CCDC180: variants seen among roughly 807,000 people sequenced by gnomAD.
The protein encoded by CCDC180 is coiled-coil domain-containing protein 180.
Under a neutral mutation model 209.2 loss-of-function variants are expected in CCDC180, and 154 were observed. The observed-to-expected ratio is 0.74, with a 90% CI of 0.65 to 0.84. CCDC180 has a LOEUF of 0.84. CCDC180 is among the 40% of genes least tolerant of loss of function. The pLI is 0.00. For missense variants in CCDC180, 1,874 were observed against 1,997.3 expected (o/e 0.94, Z 1.18); for synonymous variants, 778 against 749.1 (o/e 1.04, Z -0.63).
intron 13 of CCDC180, 81 bp from the exon 14 acceptor site, chr9:97,324,938 A>G (rs3747498): frequency 0.2 from 269,893 of 1,336,186 alleles, 29,507 homozygotes; most frequent in Admixed American, 0.36. Context: ...CGTTAGAGAC[A>G]GGGGGTCCCA....
intron 19 of CCDC180, 84 bp from the exon 20 acceptor site, chr9:97,347,230 G>A: frequency 7.5e-7 from 1 of 1,331,138 alleles, no homozygotes; most frequent in Non-Finnish European, 1.0e-6. Flanking sequence ...GTGAAAGGGG[G>A]AAGCACTTTG....
intron 31 of CCDC180, among the ~76,000 whole-genome samples, chr9:97,368,761 A>G (rs1035103428): frequency 1.3e-5 from 2 of 152,204 alleles, no homozygotes; most frequent in Non-Finnish European, 2.9e-5. Context: ...TCTCTCTAGG[A>G]AAATCTATCT....
In CCDC180 at chr9:97,319,801, C is replaced by CT. The variant is rs1418557947; in HGVS notation, c.1080-322dup. On this transcript the variant is annotated intron_variant, in intron 10 of 36. Coordinates refer to ENST00000529487, the MANE Select transcript of CCDC180 (RefSeq NM_020893.6). The stretch of plus-strand genomic sequence containing the variant: ...TTAAGTGAACATCTTAATACATAAA[C>CT]TTTATGTGCATTCTATAATGCCATC... Among the ~76,000 whole-genome samples the CT allele has an allele frequency of 3.9e-5, 6 of 152,286 alleles. No homozygotes were observed. In the South Asian group the frequency reaches 1.2e-3, roughly 32 times the overall value.
chr9:97,341,811 C>CCTCGTTGA (rs1826087281), intron 18 of CCDC180, among the ~76,000 whole-genome samples: 2 of 152,296 alleles, frequency 1.3e-5, no homozygotes, highest in Non-Finnish European at 2.9e-5. Flanking sequence ...GGCAGGTGGG[C>CCTCGTTGA]CTCGTTGAGC....
intron 18 of CCDC180, among the ~76,000 whole-genome samples, chr9:97,339,366 C>A (rs1826007054): frequency 6.6e-6 from 1 of 152,178 alleles, no homozygotes; most frequent in Admixed American, 6.5e-5. Flanking sequence ...GTGACAAAAT[C>A]TCTCAGCATT....
At chr9:97,373,497 C>T (rs1437116352) in intron 34 of CCDC180, 1 of 152,216 alleles carries the variant, frequency 6.6e-6, no homozygotes, top group Non-Finnish European at 1.5e-5. Flanking sequence ...GTCAGGGTGG[C>T]TGGGGAAGAT....
Position 97,362,410 on chromosome 9 carries a change from G to A in CCDC180, c.3871G>A (p.Val1291Ile), listed in dbSNP as rs1826790458. ...GCCAGAAAACTCTGGGAAGAAGGCTGTACCCAGTGCCAGTGCTACCTCTGC... is the reference window on the plus strand; with the variant it reads ...GCCAGAAAACTCTGGGAAGAAGGCTATACCCAGTGCCAGTGCTACCTCTGC... ...CQPENSGKKA[V>I]PSASATSAGS... Residue 1291 changes from valine (V) to isoleucine (I), a missense_variant, in exon 28 of 37, where the codon GTA (valine) becomes ATA (isoleucine). Coordinates refer to ENST00000529487, the MANE Select transcript of CCDC180 (RefSeq NM_020893.6). 5.6e-6 allele frequency: 9 copies of A among 1,614,018 alleles called. No individual in the cohort carries two copies. Among genetic ancestry groups the A allele is most frequent in the South Asian group, 1.1e-5 (1 of 91,078 alleles).
chr9:97,369,144 T>A (rs1339776960), intron 31 of CCDC180: 2 of 152,156 alleles, frequency 1.3e-5, no homozygotes, highest in East Asian at 3.8e-4. Flanking sequence ...ATTGGTGAAC[T>A]GGAAGGCAAA....
intron 15 of CCDC180, among the ~76,000 whole-genome samples, chr9:97,326,889 T>C (rs12378350): frequency 0.2 from 30,675 of 152,174 alleles, 3,417 homozygotes; most frequent in East Asian, 0.39. Flanking sequence ...TTCAAAGCAA[T>C]GCAGCTTAAG....
chr9:97,312,217 G>A lies in CCDC180; in HGVS notation c.349+16G>A. On this transcript the variant is annotated intron_variant, in intron 4 of 36. Transcript: ENST00000529487. Reference sequence around the variant, plus strand: ...GATACTATAGGTGAGCCTCCATTCAGCCTCAAGGCAGGCCTGTCCTGGGCC... The same window carrying A: ...GATACTATAGGTGAGCCTCCATTCAACCTCAAGGCAGGCCTGTCCTGGGCC... 6.2e-7 allele frequency: 1 copy of A among 1,610,614 alleles called. No individual in the cohort carries two copies.
At chr9:97,309,833 T>C (rs1350555807) in intron 3 of CCDC180, among the ~76,000 whole-genome samples, 1 of 152,192 alleles carries the variant, frequency 6.6e-6, no homozygotes. Context: ...GCACTGGGTA[T>C]GGGGATCCCA....
intron 24 of CCDC180, 123 bp from the exon 25 acceptor site, chr9:97,357,503 AT>A: frequency 2.8e-6 from 2 of 715,414 alleles, no homozygotes; most frequent in Non-Finnish European, 2.4e-6. Context: ...AAAACTGCAT[AT>A]TTTTCCCTGA....
chr9:97,314,496 C>A lies in CCDC180; in HGVS notation c.563C>A (p.Thr188Asn). The change falls in exon 6 of 37, where the codon ACC (threonine) becomes AAC (asparagine). Residue 188 changes from threonine (T) to asparagine (N), a missense_variant. By Grantham distance (65) the Thr-to-Asn change is moderately conservative. Transcript: ENST00000529487. Reference sequence around the variant, plus strand: ...CTCTTCCTAAAGGTGGAAAATGACACCAACCTTGAGGACTACACCATCCAA... The same window carrying A: ...CTCTTCCTAAAGGTGGAAAATGACAACAACCTTGAGGACTACACCATCCAA... ...NRLFLKVEND[T>N]NLEDYTIQAL... The A allele has an allele frequency of 2.5e-6, 4 of 1,614,140 alleles. No individual in the cohort carries two copies. Among genetic ancestry groups the A allele is most frequent in the Non-Finnish European group, 3.4e-6 (4 of 1,180,032 alleles).
intron 18 of CCDC180, among the ~76,000 whole-genome samples, chr9:97,338,001 G>A (rs1476541552): frequency 5.3e-5 from 8 of 152,062 alleles, no homozygotes; most frequent in Non-Finnish European, 1.2e-4. Flanking sequence ...CTGTGGGATA[G>A]GTGGTGATAT....
At chr9:97,358,997 CCT>C (rs1266841658) in intron 25 of CCDC180, among the ~76,000 whole-genome samples, 3 of 152,012 alleles carry the variant, frequency 2.0e-5, no homozygotes, top group Non-Finnish European at 4.4e-5. Flanking sequence ...AATAAATGTC[CCT>C]CTCACTATTC....
At chr9:97,312,350 C>G (rs917569303) in intron 4 of CCDC180, 149 bp downstream of exon 4, 2 of 640,188 alleles carry the variant, frequency 3.1e-6, no homozygotes, top group Non-Finnish European at 5.4e-6. Context: ...GGCATTCTCC[C>G]TGAGCATCTC....
chr9:97,375,439 CAT>C lies in CCDC180; in HGVS notation c.4707-14_4707-13del, dbSNP rs768031341. ...AAGACAAGCCTGTGAGATTTTCACA[CAT>C]GTTTGTTTGTAGGAAGTGGCCAGGG... On this transcript the variant is annotated splice_polypyrimidine_tract_variant and intron_variant, in intron 35 of 36. Transcript: ENST00000529487. 156 of 1,614,082 alleles carry C rather than the reference CAT, an allele frequency of 9.7e-5. No individual in the cohort carries two copies. The Middle Eastern group carries it at 9.9e-4, about 10-fold the overall frequency.
Position 97,314,919 on chromosome 9 carries a change from G to A in CCDC180, c.768G>A (p.Val256=), listed in dbSNP as rs1021538682. The change falls in exon 8 of 37, where the codon GTG becomes GTA. Residue 256 remains valine (V), a synonymous_variant. Coordinates refer to ENST00000529487, the MANE Select transcript of CCDC180 (RefSeq NM_020893.6). ...CTTCCTACCTCATGCGGCCCGAAGT[G>A]TACAGGCTGATAAATGAAGAAGCCA... ...EKTSYLMRPE[V]YRLINEEAMV... 6.2e-7 allele frequency: 1 copy of A among 1,614,022 alleles called. No individual in the cohort carries two copies. The highest frequency in any genetic ancestry group is 8.5e-7 in the Non-Finnish European group (1 of 1,179,872).
chr9:97,376,730 T>G (rs1352113904), intron 36 of CCDC180, 33 bp from the exon 37 acceptor site: 16 of 1,604,444 alleles, frequency 1.0e-5, no homozygotes, highest in Non-Finnish European at 1.4e-5. Flanking sequence ...ATGTCTCTCC[T>G]CATGTGGACC....
Sources: gnomAD v4.1 joint callset for allele counts (sites outside exome capture counted in the v4.1 genomes callset) on GRCh38, gnomAD v4.1.1 for gene constraint, MANE v1.5 for transcripts, NCBI Gene and HGNC (gene_info 2026-07-23, HGNC 2026-07-21) for gene names.